KIDINS220: variants seen among roughly 807,000 people sequenced by gnomAD.
KIDINS220 encodes the protein kinase D interacting substrate 220.
A neutral mutation model predicts 157.6 loss-of-function variants in KIDINS220; 63 were observed. The ratio of observed to expected loss-of-function variants is 0.40; its 90% CI spans 0.33 to 0.49. The LOEUF is 0.49. KIDINS220 is among the 20% of genes least tolerant of loss of function. The pLI is 0.66. For missense variants in KIDINS220, 1,772 were observed against 2,171.2 expected (o/e 0.82, Z 3.65); for synonymous variants, 732 against 783.6 (o/e 0.93, Z 1.10).
intron 7 of KIDINS220, among the ~76,000 whole-genome samples, chr2:8,803,605 T>C (rs1675030219): frequency 6.6e-6 from 1 of 152,198 alleles, no homozygotes; most frequent in Non-Finnish European, 1.5e-5. Context: ...CCATGAGCTA[T>C]TTCAAGAAAA....
intron 8 of KIDINS220, 59 bp downstream of exon 8, chr2:8,802,871 C>G (rs1674914899): frequency 1.4e-6 from 2 of 1,390,396 alleles, no homozygotes; most frequent in Admixed American, 3.7e-5. Flanking sequence ...TAATAAGACA[C>G]TAAGGTCACC....
Position 8,750,261 on chromosome 2 carries a change from G to A in KIDINS220, c.3265C>T (p.Pro1089Ser). The A allele has an allele frequency of 2.5e-6, 4 of 1,613,954 alleles. No homozygotes were observed. Among genetic ancestry groups the A allele is most frequent in the Non-Finnish European group, 2.5e-6 (3 of 1,179,928 alleles). The change falls in exon 24 of 30, where the codon CCT becomes TCT. Residue 1089 changes from proline (P) to serine (S), a missense_variant. Pro to Ser is a moderately conservative substitution (Grantham distance 74). Transcript: ENST00000256707. The stretch of plus-strand genomic sequence containing the variant: ...TGGCTGTACCCTGATGGCGCCCTAG[G>A]AGGACCCTCATGTAGAGGGAGCGGG... ...YPPLPLHEGP[P>S]RAPSGYSQPP...
chr2:8,786,125 G>T, intron 16 of KIDINS220, 81 bp downstream of exon 16: 1 of 1,575,974 alleles, frequency 6.3e-7, no homozygotes, highest in Non-Finnish European at 8.7e-7. Flanking sequence ...TAATGTTCAA[G>T]GTGTGTTTTC....
At chr2:8,835,175 C>T (rs1680225202) in intron 1 of KIDINS220, among the ~76,000 whole-genome samples, 1 of 152,180 alleles carries the variant, frequency 6.6e-6, no homozygotes, top group African/African-American at 2.4e-5. Context: ...AGGGCTGTCT[C>T]TCTCCTTCAT....
chr2:8,787,000 C>A (rs944860335), intron 15 of KIDINS220, among the ~76,000 whole-genome samples: 2 of 151,956 alleles, frequency 1.3e-5, no homozygotes, highest in African/African-American at 4.8e-5. Context: ...CCTTCCATCT[C>A]TAAATTAAAC....
rs1465020645 is a variant in KIDINS220 at position 8,731,583 on chromosome 2, G to T, written c.4453C>A (p.Gln1485Lys). 1.2e-6 allele frequency: 2 copies of T among 1,614,138 alleles called. No homozygotes were observed. Among genetic ancestry groups the T allele is most frequent in the Non-Finnish European group, 8.5e-7 (1 of 1,179,974 alleles). Reference sequence around the variant, plus strand: ...CCTGGGAGAAGCTTACTGCCTGACTGATCTGATTTTTCATCTTCTTCAGTG... The same window carrying T: ...CCTGGGAGAAGCTTACTGCCTGACTTATCTGATTTTTCATCTTCTTCAGTG... ...PITEEDEKSDQSGSKLLPGKK... is the reference protein window; with the variant it reads ...PITEEDEKSDKSGSKLLPGKK... The change falls in exon 30 of 30, where the codon CAG (glutamine) becomes AAG (lysine). Residue 1485 changes from glutamine to lysine, a missense_variant. Around this residue, in one of 3 missense-constraint regions of KIDINS220, gnomAD observed 793 missense variants for 885.5 expected, o/e 0.90. Coordinates refer to ENST00000256707, the MANE Select transcript of KIDINS220 (RefSeq NM_020738.4). The surrounding 1 kb of genome is among the most constrained non-coding windows in gnomAD (Gnocchi z 5.2).
Position 8,751,256 on chromosome 2 carries a change from CTTTT to C in KIDINS220, c.3190+206_3190+209del, listed in dbSNP as rs74858222. Among the ~76,000 whole-genome samples, 4 of 135,756 alleles carry C rather than the reference CTTTT, an allele frequency of 2.9e-5. No homozygotes were observed. In the South Asian group the frequency reaches 7.0e-4, roughly 24 times the overall value. The allele number at this position is 135,756 out of a possible 152,430, so 89.1% of individuals were successfully genotyped here. ...GATCCACAAATACTAACAGGATTTT[CTTTT>C]TTTTTTTTTTTGTTTTTGTTTTTCT... is the stretch of plus-strand genomic sequence containing the variant. On this transcript the variant is annotated intron_variant, in intron 23 of 29. Transcript: ENST00000256707.
chr2:8,768,642 T>G (rs10195949), intron 22 of KIDINS220, among the ~76,000 whole-genome samples: 126,894 of 152,086 alleles, frequency 0.83, 53,307 homozygotes, highest in Non-Finnish European at 0.88. Context: ...TACCAAATCA[T>G]ATTTCTTTAG....
intron 18 of KIDINS220, 132 bp from the exon 19 acceptor site, chr2:8,779,271 C>A (rs1390966561): frequency 2.4e-6 from 3 of 1,241,482 alleles, no homozygotes; most frequent in African/African-American, 3.0e-5. Context: ...TCAAAACTTA[C>A]TCTGCACAAA....
In KIDINS220 at chr2:8,730,204, G is replaced by T; in HGVS notation, c.*516C>A. On this transcript the variant is annotated 3_prime_UTR_variant, in exon 30 of 30. Transcript: ENST00000256707. ...AACCTCTGTGATAAGCAATACCCCT[G>T]CCATACAGAACGCTGGATCTCGGTT... is the stretch of plus-strand genomic sequence containing the variant. 1 of 987,168 alleles carries T rather than the reference G, an allele frequency of 1.0e-6. No individual in the cohort carries two copies. The highest frequency in any genetic ancestry group is 1.2e-6 in the Non-Finnish European group (1 of 831,330). 61.2% of individuals were successfully genotyped at this position (987,168 alleles called of 1,614,324 possible). A position where few individuals can be genotyped will look rare whatever the true frequency, so the allele number is the denominator to read the frequency against.
chr2:8,812,226 T>C (rs527897240), intron 6 of KIDINS220, among the ~76,000 whole-genome samples, 169 bp downstream of exon 6: 15 of 152,258 alleles, frequency 9.9e-5, no homozygotes, highest in Admixed American at 8.5e-4. Context: ...TACTACATAA[T>C]ACACCCAGGG....
chr2:8,778,589 T>C, intron 20 of KIDINS220, 50 bp downstream of exon 20: 1 of 1,150,128 alleles, frequency 8.7e-7, no homozygotes, highest in Non-Finnish European at 1.3e-6. Flanking sequence ...TTATTTGTAT[T>C]AAATTGAATA....
chr2:8,777,161 C>T (rs899151405), intron 20 of KIDINS220, among the ~76,000 whole-genome samples: 1 of 152,114 alleles, frequency 6.6e-6, no homozygotes, highest in African/African-American at 2.4e-5. Flanking sequence ...AAGCTCAATG[C>T]TTTTAAGATT....
At chr2:8,826,830 T>C in intron 2 of KIDINS220, 156 bp downstream of exon 2, 1 of 382,096 alleles carries the variant, frequency 2.6e-6, no homozygotes, top group Non-Finnish European at 4.7e-6. Context: ...AAACATGAAA[T>C]TTGAAGTACT....
At chr2:8,727,077 A>C, downstream of KIDINS220, 1 of 1,005,710 alleles carries the variant, frequency 9.9e-7, no homozygotes, top group South Asian at 1.5e-5. Context: ...ATACGTTTCT[A>C]TTTTTCAATT....
intron 15 of KIDINS220, among the ~76,000 whole-genome samples, chr2:8,788,162 A>G (rs572374161): frequency 6.6e-6 from 1 of 152,320 alleles, no homozygotes; most frequent in African/African-American, 2.4e-5. Context: ...GGAGGGATAT[A>G]TAATCTGAAG....
rs908584969 is a variant in KIDINS220 at position 8,812,503 on chromosome 2, T to C, written c.406-10A>G. The C allele has an allele frequency of 6.0e-6, 9 of 1,508,598 alleles. No homozygotes were observed. Among genetic ancestry groups the C allele is most frequent in the Non-Finnish European group, 8.0e-6 (9 of 1,120,724 alleles). The allele number at this position is 1,508,598 out of a possible 1,614,324, so 93.5% of individuals were successfully genotyped here. Reference sequence around the variant, plus strand: ...TTGGGTAAACACTGTACTGCTAGGATAGATTGGTTGGTAGGTAGGTAGATA... The same window carrying C: ...TTGGGTAAACACTGTACTGCTAGGACAGATTGGTTGGTAGGTAGGTAGATA... On this transcript the variant is annotated splice_polypyrimidine_tract_variant and intron_variant, in intron 5 of 29. Transcript: ENST00000256707.
intron 22 of KIDINS220, among the ~76,000 whole-genome samples, chr2:8,766,724 T>C (rs1474139740): frequency 1.3e-5 from 2 of 152,032 alleles, no homozygotes; most frequent in Non-Finnish European, 2.9e-5. Context: ...AACAACAAAA[T>C]AAATAAGTAG....
rs1176488300 is a variant in KIDINS220, at chr2:8,729,466, A to AT, written c.*1253dup. ...TGAGCTATGTTAAAACGATAACAAT[A>AT]TTTCATTGCATGATGACAGGGTACA... On this transcript the variant is annotated 3_prime_UTR_variant, in exon 30 of 30. Transcript: ENST00000256707. 1.0e-6 allele frequency: 1 copy of AT among 985,310 alleles called. No individual in the cohort carries two copies. The highest frequency in any genetic ancestry group is 1.2e-6 in the Non-Finnish European group (1 of 829,908). The allele number at this position is 985,310 out of a possible 1,614,324, so 61.0% of individuals were successfully genotyped here.
Sources: gnomAD v4.1 joint callset for allele counts (sites outside exome capture counted in the v4.1 genomes callset) on GRCh38, gnomAD v4.1.1 for gene constraint, gnomAD v4.1.1 regional missense constraint, Gnocchi (gnomAD v3.1) non-coding constraint, MANE v1.5 for transcripts, NCBI Gene and HGNC (gene_info 2026-07-23, HGNC 2026-07-21) for gene names.